Variants in MACROD2 observed in about 807,000 individuals in gnomAD.
MACROD2 encodes mono-ADP ribosylhydrolase 2, also known as ADP-ribose glycohydrolase MACROD2.
In MACROD2, 36 loss-of-function variants were observed where a neutral mutation model predicts 70.4. The observed-to-expected ratio is 0.51, with a 90% CI of 0.39 to 0.68. MACROD2 has a LOEUF of 0.68. Among genes scored for constraint, MACROD2 ranks in the 30% least tolerant of loss-of-function variants. The probability of loss-of-function intolerance (pLI) is 0.00; values close to 1 mark genes in which losing one functional copy is unlikely to be tolerated. For synonymous variants in MACROD2, 172 were observed against 178.8 expected, an observed-to-expected ratio of 0.96 and a Z score of 0.30; for missense variants, 496 against 538.4, an observed-to-expected ratio of 0.92 and a Z score of 0.78.
intron 15 of MACROD2, among the ~76,000 whole-genome samples, chr20:16,031,424 T>A (rs1466754550): frequency 6.6e-6 from 1 of 152,162 alleles, no homozygotes; most frequent in African/African-American, 2.4e-5. Flanking sequence ...TTTTGTAACA[T>A]CTATGAAGAT....
intron 13 of MACROD2, among the ~76,000 whole-genome samples, chr20:15,968,805 A>G (rs1455159843): frequency 7.3e-4 from 20 of 27,356 alleles, no homozygotes; most frequent in Non-Finnish European, 1.0e-3. Flanking sequence ...GCGTATATAT[A>G]TATATATATA....
At chr20:15,763,813 C>G (rs2051478460) in intron 8 of MACROD2, among the ~76,000 whole-genome samples, 1 of 152,092 alleles carries the variant, frequency 6.6e-6, no homozygotes, top group Non-Finnish European at 1.5e-5. Flanking sequence ...AGTTTCATGG[C>G]TAATTGATTC....
intron 3 of MACROD2, among the ~76,000 whole-genome samples, chr20:14,456,807 C>T (rs2084308316): frequency 6.7e-6 from 1 of 148,970 alleles, no homozygotes; most frequent in South Asian, 2.1e-4. Context: ...AGCCCCGCCT[C>T]CCGGGTTCAC....
At chr20:14,621,433 G>C (rs1482816756) in intron 4 of MACROD2, among the ~76,000 whole-genome samples, 3 of 152,112 alleles carry the variant, frequency 2.0e-5, no homozygotes, top group African/African-American at 7.2e-5. Context: ...GATAGGAAAT[G>C]ATCTCCTTTT....
At chr20:14,037,815 T>C (rs1281535900) in intron 2 of MACROD2, among the ~76,000 whole-genome samples, 1 of 151,282 alleles carries the variant, frequency 6.6e-6, no homozygotes, top group East Asian at 1.9e-4. Flanking sequence ...GCCCAGAATT[T>C]CCACACCAGC....
intron 5 of MACROD2, among the ~76,000 whole-genome samples, chr20:14,967,360 C>T (rs1237533410): frequency 6.8e-6 from 1 of 148,110 alleles, no homozygotes; most frequent in Non-Finnish European, 1.5e-5. Context: ...GACGGGGTCT[C>T]ACCATGTTGG....
intron 5 of MACROD2, among the ~76,000 whole-genome samples, chr20:15,183,161 G>A (rs967415544): frequency 2.0e-5 from 3 of 152,048 alleles, no homozygotes. Context: ...TTAAGTAAGA[G>A]GGAAGATAAT....
intron 8 of MACROD2, among the ~76,000 whole-genome samples, chr20:15,592,528 C>T (rs1468333916): frequency 2.6e-5 from 4 of 152,160 alleles, no homozygotes; most frequent in Non-Finnish European, 5.9e-5. Flanking sequence ...CCAGGAGATG[C>T]TAATTTAAAG....
chr20:15,798,976 G>A (rs549122215), intron 8 of MACROD2, among the ~76,000 whole-genome samples: 8 of 152,106 alleles, frequency 5.3e-5, no homozygotes, highest in Non-Finnish European at 1.2e-4. Context: ...AAAGAAACCC[G>A]GGGTATGTAT....
chr20:15,265,508 G>A (rs1042216971), intron 6 of MACROD2, among the ~76,000 whole-genome samples: 1 of 152,162 alleles, frequency 6.6e-6, no homozygotes, highest in Non-Finnish European at 1.5e-5. Flanking sequence ...ATTAAGAGCA[G>A]GGTGTTATCA....
chr20:14,781,244 C>G (rs1053995201), intron 5 of MACROD2, among the ~76,000 whole-genome samples: 5 of 151,958 alleles, frequency 3.3e-5, no homozygotes, highest in Admixed American at 2.0e-4. Context: ...CTCCCTACTT[C>G]TATGAGTTCA....
At chr20:14,384,184 C>T (rs1341271410) in intron 3 of MACROD2, among the ~76,000 whole-genome samples, 1 of 152,030 alleles carries the variant, frequency 6.6e-6, no homozygotes, top group African/African-American at 2.4e-5. Flanking sequence ...CTAGTTGATA[C>T]TTGTAGGATT....
chr20:15,995,571 C>T (rs1386485016), intron 15 of MACROD2, among the ~76,000 whole-genome samples: 4 of 148,972 alleles, frequency 2.7e-5, no homozygotes, highest in Middle Eastern at 3.4e-3. Flanking sequence ...AGGATGGTCT[C>T]GATCTCCTGA....
At chr20:14,971,267 G>A (rs1379921175) in intron 5 of MACROD2, among the ~76,000 whole-genome samples, 2 of 151,994 alleles carry the variant, frequency 1.3e-5, no homozygotes, top group African/African-American at 2.4e-5. Flanking sequence ...TTTTTGATGG[G>A]TAACCGTCAC....
chr20:14,807,208 G>A (rs1426502267), intron 5 of MACROD2, among the ~76,000 whole-genome samples: 2 of 152,112 alleles, frequency 1.3e-5, no homozygotes, highest in Admixed American at 6.5e-5. Flanking sequence ...CTGGCGTCTA[G>A]CAGGTGCCCC....
chr20:15,365,656 G>A (rs988385829), intron 6 of MACROD2, among the ~76,000 whole-genome samples: 9 of 148,530 alleles, frequency 6.1e-5, no homozygotes, highest in African/African-American at 2.2e-4. Context: ...GCGAGGCTCT[G>A]TCTCAAAAAA....
intron 6 of MACROD2, among the ~76,000 whole-genome samples, chr20:15,315,364 G>C (rs910084244): frequency 5.8e-4 from 89 of 152,220 alleles, no homozygotes; most frequent in African/African-American, 2.1e-3. Flanking sequence ...TCCCGAGAAG[G>C]ATCGACACAA....
intron 8 of MACROD2, among the ~76,000 whole-genome samples, chr20:15,533,600 G>A (rs1340423744): frequency 1.3e-5 from 2 of 149,366 alleles, no homozygotes; most frequent in African/African-American, 4.9e-5. Flanking sequence ...AAGAAACTCA[G>A]TCCCAGTGCA....
At chr20:14,269,412 G>A (rs919665284) in intron 3 of MACROD2, among the ~76,000 whole-genome samples, 5 of 152,122 alleles carry the variant, frequency 3.3e-5, no homozygotes, top group Non-Finnish European at 7.4e-5. Flanking sequence ...TGAGGACAAG[G>A]ATACTACCAG....
Sources: allele counts gnomAD v4.1 joint callset (sites outside exome capture counted in the v4.1 genomes callset), GRCh38; gene constraint gnomAD v4.1.1; transcripts MANE v1.5; gene names NCBI Gene and HGNC (gene_info 2026-07-23, HGNC 2026-07-21).